RNPC3: variants seen among roughly 807,000 people sequenced by gnomAD.
RNPC3 encodes RNA-binding region-containing protein 3.
In RNPC3, 48 loss-of-function variants were observed where a neutral mutation model predicts 67.5. The observed-to-expected ratio is 0.71, with a 90% confidence interval of 0.56 to 0.90. RNPC3 has a LOEUF of 0.90. Among genes scored for constraint, RNPC3 ranks in the 40% least tolerant of loss-of-function variants. The pLI is 0.00. For synonymous variants in RNPC3, 239 were observed against 210.3 expected, an observed-to-expected ratio of 1.14 and a Z score of -1.18; for missense variants, 637 against 626.1, an observed-to-expected ratio of 1.02 and a Z score of -0.19.
At chr1:103,532,282 A>G (rs2101043336) in intron 2 of RNPC3, among the ~76,000 whole-genome samples, 1 of 152,202 alleles carries the variant, frequency 6.6e-6, no homozygotes, top group East Asian at 1.9e-4. Flanking sequence ...TATGGAATGT[A>G]GGAAAGAAGC....
At chr1:103,539,083 G>A (rs1651059664) in intron 7 of RNPC3, among the ~76,000 whole-genome samples, 1 of 152,140 alleles carries the variant, frequency 6.6e-6, no homozygotes, top group Non-Finnish European at 1.5e-5. Flanking sequence ...ATTCCAACTA[G>A]ACTTTAATTA....
In RNPC3 at chr1:103,534,798, TAAAG is replaced by T; in HGVS notation, c.388_391del (p.Glu130LysfsTer7). ...GGTCTGATGACCCTGTCGAAGATGATAAAGAAAAAAAAGAACTTGGTTATTTAAC... is the reference window on the plus strand; with the variant it reads ...GGTCTGATGACCCTGTCGAAGATGATAAAAAAAAGAACTTGGTTATTTAAC... On this transcript the variant is annotated frameshift_variant, in exon 4 of 15. Transcript: ENST00000423855. LOFTEE classifies it high-confidence loss of function. 6.5e-7 allele frequency: 1 copy of T among 1,531,428 alleles called. No homozygotes were observed. Among genetic ancestry groups the T allele is most frequent in the Non-Finnish European group, 8.7e-7 (1 of 1,143,798 alleles). 94.9% of individuals were successfully genotyped at this position (1,531,428 alleles called of 1,614,324 possible).
chr1:103,550,758 C>G (rs577005613), intron 12 of RNPC3, among the ~76,000 whole-genome samples, 183 bp from the exon 13 acceptor site: 1 of 151,900 alleles, frequency 6.6e-6, no homozygotes, highest in Non-Finnish European at 1.5e-5. Flanking sequence ...CAAATACTAC[C>G]TACTTGTAGA....
chr1:103,526,592 C>G (rs751341838), intron 1 of RNPC3, among the ~76,000 whole-genome samples: 3 of 152,150 alleles, frequency 2.0e-5, no homozygotes, highest in Non-Finnish European at 4.4e-5. Context: ...CTCCTGGACT[C>G]AAGAGTATTC....
Position 103,544,945 on chromosome 1 carries a change from A to C in RNPC3, c.1050A>C (p.Leu350Phe), listed in dbSNP as rs1570624139. Residue 350 changes from leucine (L) to phenylalanine (F), a missense_variant, in exon 10 of 15, where the codon TTA (leucine) becomes TTC (phenylalanine). By Grantham distance (22) the Leu-to-Phe change is conservative. Coordinates refer to ENST00000423855, the MANE Select transcript of RNPC3 (RefSeq NM_017619.4). ...ATGTTAATATTGAACTCTTAGATTT[A>C]CCTGCTACTGAAGTTGATGCATCCA... ...EQNCEEKNHD[L>F]PATEVDASNI... 1.3e-6 allele frequency: 2 copies of C among 1,521,362 alleles called. No homozygotes were observed. The highest frequency in any genetic ancestry group is 2.8e-5 in the African/African-American group (2 of 72,344). The allele number at this position is 1,521,362 out of a possible 1,614,324, so 94.2% of individuals were successfully genotyped here.
chr1:103,534,429 A>G (rs1486234909), intron 3 of RNPC3, among the ~76,000 whole-genome samples: 2 of 152,074 alleles, frequency 1.3e-5, no homozygotes, highest in African/African-American at 4.8e-5. Context: ...TATGACACAC[A>G]TTAAAGACAT....
intron 10 of RNPC3, 90 bp from the exon 11 acceptor site, chr1:103,546,154 CTATT>C (rs1411300379): frequency 1.2e-5 from 6 of 505,332 alleles, no homozygotes; most frequent in African/African-American, 2.0e-5. Context: ...CTTATTTTGT[CTATT>C]TAACAATTAG....
intron 2 of RNPC3, among the ~76,000 whole-genome samples, chr1:103,529,115 A>T (rs955676597): frequency 3.9e-5 from 6 of 152,186 alleles, no homozygotes; most frequent in African/African-American, 1.4e-4. Flanking sequence ...GATTTTTTGA[A>T]ACTAATAGTA....
At chr1:103,546,713 C>T (rs1651252383) in intron 11 of RNPC3, 1 of 375,890 alleles carries the variant, frequency 2.7e-6, no homozygotes, top group East Asian at 4.4e-5. Flanking sequence ...TCTCCCATAG[C>T]TTCTGCTGGT....
intron 12 of RNPC3, among the ~76,000 whole-genome samples, chr1:103,549,381 G>A (rs746294309): frequency 7.2e-5 from 11 of 152,048 alleles, no homozygotes; most frequent in Non-Finnish European, 1.2e-4. Context: ...AAATGGAACC[G>A]TGTTTCACAA....
At chr1:103,541,895 C>A (rs554141820) in intron 8 of RNPC3, among the ~76,000 whole-genome samples, 4 of 152,032 alleles carry the variant, frequency 2.6e-5, no homozygotes, top group Admixed American at 1.3e-4. Context: ...TATTTAGTTT[C>A]TCTTAACTCC....
chr1:103,533,919 C>G lies in RNPC3; in HGVS notation c.359+62C>G, dbSNP rs565222233. ...TTTTAAAGTGTGTGTTTTTTTAAATCAGTTATACAGTTATTGTATTGTTTT... is the reference window on the plus strand; with the variant it reads ...TTTTAAAGTGTGTGTTTTTTTAAATGAGTTATACAGTTATTGTATTGTTTT... On this transcript the variant is annotated intron_variant, in intron 3 of 14. Transcript: ENST00000423855. 2.8e-4 allele frequency: 225 copies of G among 816,906 alleles called. 1 individual carries two copies. In the African/African-American group the frequency reaches 3.3e-3, roughly 12 times the overall value. The allele number at this position is 816,906 out of a possible 1,614,324, so 50.6% of individuals were successfully genotyped here.
At chr1:103,550,338 A>T (rs981218741) in intron 12 of RNPC3, among the ~76,000 whole-genome samples, 2 of 151,426 alleles carry the variant, frequency 1.3e-5, no homozygotes, top group African/African-American at 4.9e-5. Context: ...ATAAATAGTA[A>T]TTTAAGAAGT....
Position 103,544,979 on chromosome 1 carries a change from T to C in RNPC3, c.1084T>C (p.Phe362Leu). ...TGAAGTTGATGCATCCAATATAGGA[T>C]TTGGAAAAATCTTCCCCAAACCTAA... ...ATEVDASNIG[F>L]GKIFPKPNLD... Residue 362 changes from phenylalanine to leucine, a missense_variant, in exon 10 of 15, where the codon TTT becomes CTT. Coordinates refer to ENST00000423855, the MANE Select transcript of RNPC3 (RefSeq NM_017619.4). 1 of 1,532,970 alleles carries C rather than the reference T, an allele frequency of 6.5e-7. No homozygotes were observed. Among genetic ancestry groups the C allele is most frequent in the Non-Finnish European group, 8.7e-7 (1 of 1,144,368 alleles). 95.0% of individuals were successfully genotyped at this position (1,532,970 alleles called of 1,614,324 possible). A position where few individuals can be genotyped will look rare whatever the true frequency, so the allele number is the denominator to read the frequency against.
At position 103,547,077 on chromosome 1, in the gene RNPC3, T is replaced by G; in HGVS notation, c.1361+42T>G. ...TACAATCTTCAATTATATTTTGTTT[T>G]TATCTATTACAAATTTACCACTATT... is the stretch of plus-strand genomic sequence containing the variant. On this transcript the variant is annotated intron_variant, in intron 12 of 14. Transcript: ENST00000423855. 2.6e-6 allele frequency: 3 copies of G among 1,169,476 alleles called. No homozygotes were observed. The South Asian group carries it at 4.6e-5, about 18-fold the overall frequency. The allele number at this position is 1,169,476 out of a possible 1,614,324, so 72.4% of individuals were successfully genotyped here. A position where few individuals can be genotyped will look rare whatever the true frequency, so the allele number is the denominator to read the frequency against.
chr1:103,538,390 G>A (rs1018982599), intron 7 of RNPC3, among the ~76,000 whole-genome samples: 1 of 152,082 alleles, frequency 6.6e-6, no homozygotes, highest in African/African-American at 2.4e-5. Flanking sequence ...TGGTGTTGAA[G>A]TGCTCTTTAG....
At position 103,535,455 on chromosome 1, in the gene RNPC3, A is replaced by G; in HGVS notation, c.555+14A>G. The G allele has an allele frequency of 1.4e-6, 2 of 1,476,470 alleles. No individual in the cohort carries two copies. The highest frequency in any genetic ancestry group is 9.1e-7 in the Non-Finnish European group (1 of 1,095,098). 91.5% of individuals were successfully genotyped at this position (1,476,470 alleles called of 1,614,324 possible). On this transcript the variant is annotated intron_variant, in intron 5 of 14. Transcript: ENST00000423855. ...TTCTATGTACAGGTAAGTAGAATAA[A>G]ACTTTTCCTAAAAGGACTTGTTGTA...
intron 8 of RNPC3, among the ~76,000 whole-genome samples, chr1:103,541,867 A>C (rs955620557): frequency 2.0e-5 from 3 of 152,028 alleles, no homozygotes; most frequent in Non-Finnish European, 4.4e-5. Context: ...TATAAACATC[A>C]GTGTGTTTAT....
At position 103,544,929 on chromosome 1, in the gene RNPC3, T is replaced by C. The variant is rs1467460089; in HGVS notation, c.1046-12T>C. ...AGATTCTTAATGGTTAATGTTAATA[T>C]TGAACTCTTAGATTTACCTGCTACT... On this transcript the variant is annotated splice_polypyrimidine_tract_variant and intron_variant, in intron 9 of 14. Coordinates refer to ENST00000423855, the MANE Select transcript of RNPC3 (RefSeq NM_017619.4). 2 of 1,502,668 alleles carry C rather than the reference T, an allele frequency of 1.3e-6. No individual in the cohort carries two copies. The highest frequency in any genetic ancestry group is 4.2e-5 in the Admixed American group (2 of 47,300). The allele number at this position is 1,502,668 out of a possible 1,614,324, so 93.1% of individuals were successfully genotyped here.
Sources: allele counts gnomAD v4.1 joint callset (sites outside exome capture counted in the v4.1 genomes callset), GRCh38; gene constraint gnomAD v4.1.1; transcripts MANE v1.5; gene names NCBI Gene and HGNC (gene_info 2026-07-23, HGNC 2026-07-21).